Variants in PDE3A observed in about 807,000 individuals in gnomAD.
PDE3A encodes the protein cGMP-inhibited 3',5'-cyclic phosphodiesterase 3A.
A neutral mutation model predicts 98.3 loss-of-function variants in PDE3A; 43 were observed. That is an observed-to-expected ratio of 0.44 (90% CI 0.34 to 0.56). The LOEUF (loss-of-function observed/expected upper bound fraction) is 0.56. PDE3A is among the 20% of genes least tolerant of loss of function. The pLI, the probability that PDE3A is intolerant of heterozygous loss-of-function variation, is 0.01. For synonymous variants in PDE3A, 663 were observed against 567.9 expected, an observed-to-expected ratio of 1.17 and a Z score of -2.38; for missense variants, 1,427 against 1,440.7, an observed-to-expected ratio of 0.99 and a Z score of 0.15.
intron 1 of PDE3A, among the ~76,000 whole-genome samples, chr12:20,506,914 A>G (rs2121102169): frequency 6.6e-6 from 1 of 152,174 alleles, no homozygotes; most frequent in East Asian, 1.9e-4. Flanking sequence ...TGTGAGAAAC[A>G]GGTCATTTTT....
At chr12:20,608,757 C>T (rs1265797625) in intron 2 of PDE3A, among the ~76,000 whole-genome samples, 3 of 151,944 alleles carry the variant, frequency 2.0e-5, no homozygotes, top group East Asian at 3.9e-4. Context: ...TTATTTAAAA[C>T]TTGTAATTCT....
Position 20,572,111 on chromosome 12 carries a change from T to C in PDE3A, c.1011+15401T>C, listed in dbSNP as rs143525202. The C allele has an allele frequency of 2.3e-3, 2,959 of 1,274,430 alleles. 48 individuals carry two copies. The African/African-American group carries it at 0.042, about 18-fold the overall frequency. 78.9% of individuals were successfully genotyped at this position (1,274,430 alleles called of 1,614,324 possible). A position where few individuals can be genotyped will look rare whatever the true frequency, so the allele number is the denominator to read the frequency against. ...CAGAATCTGAACTTTAAAGAACATCTCATTACTGATTATACATGGTGACGA... is the reference window on the plus strand; with the variant it reads ...CAGAATCTGAACTTTAAAGAACATCCCATTACTGATTATACATGGTGACGA... On this transcript the variant is annotated intron_variant, in intron 2 of 15. Transcript: ENST00000359062.
chr12:20,505,450 T>G (rs1946099142), intron 1 of PDE3A, among the ~76,000 whole-genome samples: 1 of 147,104 alleles, frequency 6.8e-6, no homozygotes, highest in Non-Finnish European at 1.5e-5. Context: ...GAGCTCTCTT[T>G]CCATATGTGG....
At chr12:20,563,025 G>C (rs1195037510) in intron 2 of PDE3A, among the ~76,000 whole-genome samples, 2 of 152,144 alleles carry the variant, frequency 1.3e-5, no homozygotes, top group Non-Finnish European at 2.9e-5. Flanking sequence ...ACAAGTCCTG[G>C]AGGCAACAAA....
At position 20,394,191 on chromosome 12, in the gene PDE3A, T is replaced by C. The variant is rs537212044; in HGVS notation, c.960+23947T>C. On this transcript the variant is annotated intron_variant, in intron 1 of 15. Coordinates refer to ENST00000359062, the MANE Select transcript of PDE3A (RefSeq NM_000921.5). ...GGCAATATTTGACTCAGTATTTTCA[T>C]TGGTCATTTAGATTTTACTTTTGAC... 8.5e-5 allele frequency among the ~76,000 whole-genome samples: 13 copies of C among 152,252 alleles called. No individual in the cohort carries two copies. In the South Asian group the frequency reaches 2.3e-3, roughly 27 times the overall value.
chr12:20,538,513 G>A (rs986080792), intron 1 of PDE3A, among the ~76,000 whole-genome samples: 7 of 152,076 alleles, frequency 4.6e-5, no homozygotes, highest in East Asian at 1.9e-4. Flanking sequence ...AAGGTTGGGG[G>A]AAATAGTTTC....
chr12:20,478,904 C>T (rs115380571), intron 1 of PDE3A, among the ~76,000 whole-genome samples: 1,798 of 152,234 alleles, frequency 0.012, 34 homozygotes, highest in African/African-American at 0.041. Context: ...GAAATGTCTA[C>T]CAGCCTTCTG....
At chr12:20,598,929 C>A (rs1028482251) in intron 2 of PDE3A, among the ~76,000 whole-genome samples, 3 of 152,262 alleles carry the variant, frequency 2.0e-5, no homozygotes, top group African/African-American at 7.2e-5. Flanking sequence ...TTCTATGCCA[C>A]ACCTTAATCT....
In PDE3A at chr12:20,686,268, T is replaced by C. The variant is rs1328928697; in HGVS notation, c.*5997T>C. 6.6e-6 allele frequency among the ~76,000 whole-genome samples: 1 copy of C among 152,220 alleles called. No homozygotes were observed. Among genetic ancestry groups the C allele is most frequent in the Admixed American group, 6.5e-5 (1 of 15,284 alleles). Reference sequence around the variant, plus strand: ...TTATAGTCTGAGATCTTCTGAGTTTTCCTAAGACAAAGGAGTGTATTATCC... The same window carrying C: ...TTATAGTCTGAGATCTTCTGAGTTTCCCTAAGACAAAGGAGTGTATTATCC... On this transcript the variant is annotated 3_prime_UTR_variant, in exon 16 of 16. Coordinates refer to ENST00000359062, the MANE Select transcript of PDE3A (RefSeq NM_000921.5).
At chr12:20,390,614 T>C (rs1174958354) in intron 1 of PDE3A, among the ~76,000 whole-genome samples, 1 of 151,886 alleles carries the variant, frequency 6.6e-6, no homozygotes, top group Non-Finnish European at 1.5e-5. Flanking sequence ...GATCAGTTTT[T>C]GTTTATTTTA....
intron 6 of PDE3A, among the ~76,000 whole-genome samples, chr12:20,633,076 C>G (rs1944419465): frequency 6.6e-6 from 1 of 151,468 alleles, no homozygotes; most frequent in South Asian, 2.1e-4. Flanking sequence ...TCAGCCTCCC[C>G]AAGTAGCTGG....
chr12:20,464,794 A>G (rs1945311683), intron 1 of PDE3A, among the ~76,000 whole-genome samples: 1 of 152,326 alleles, frequency 6.6e-6, no homozygotes, highest in South Asian at 2.1e-4. Context: ...TCTCATGTGC[A>G]AAGAAGTTGT....
At chr12:20,600,644 T>C (rs1475835567) in intron 2 of PDE3A, among the ~76,000 whole-genome samples, 2 of 152,196 alleles carry the variant, frequency 1.3e-5, no homozygotes, top group Non-Finnish European at 2.9e-5. Flanking sequence ...TACCCAATTG[T>C]GGAAAAATTT....
chr12:20,469,389 A>G (rs767954702), intron 1 of PDE3A, among the ~76,000 whole-genome samples: 34 of 152,034 alleles, frequency 2.2e-4, no homozygotes, highest in Non-Finnish European at 4.3e-4. Flanking sequence ...ACTCCTCCCT[A>G]TGCTCGCAGT....
chr12:20,588,556 A>G (rs1301055429), intron 2 of PDE3A, among the ~76,000 whole-genome samples: 2 of 152,320 alleles, frequency 1.3e-5, no homozygotes, highest in Non-Finnish European at 2.9e-5. Context: ...GTGGTGGGCT[A>G]CAGAACAAAA....
chr12:20,511,942 A>G (rs1056629191), intron 1 of PDE3A, among the ~76,000 whole-genome samples: 1 of 152,082 alleles, frequency 6.6e-6, no homozygotes, highest in Non-Finnish European at 1.5e-5. Context: ...CCATAACTCC[A>G]TCTTATGAAA....
At chr12:20,467,048 T>C (rs1054617515) in intron 1 of PDE3A, among the ~76,000 whole-genome samples, 1 of 152,174 alleles carries the variant, frequency 6.6e-6, no homozygotes, top group Non-Finnish European at 1.5e-5. Flanking sequence ...GCCTTTTTTA[T>C]ATATGCCTTC....
intron 1 of PDE3A, among the ~76,000 whole-genome samples, chr12:20,386,236 A>AT (rs1432946365): frequency 6.4e-5 from 8 of 125,694 alleles, no homozygotes; most frequent in African/African-American, 2.4e-4. Flanking sequence ...ATAAAAATAT[A>AT]AATATAAATA....
chr12:20,426,776 T>G (rs187002081), intron 1 of PDE3A, among the ~76,000 whole-genome samples: 1 of 152,356 alleles, frequency 6.6e-6, no homozygotes, highest in Non-Finnish European at 1.5e-5. Flanking sequence ...GTGCTGAGTC[T>G]TGCAGCAATC....
Sources: gnomAD v4.1 joint callset for allele counts (sites outside exome capture counted in the v4.1 genomes callset) on GRCh38, gnomAD v4.1.1 for gene constraint, MANE v1.5 for transcripts, NCBI Gene and HGNC (gene_info 2026-07-23, HGNC 2026-07-21) for gene names.